NRF1: variants seen among roughly 807,000 people sequenced by gnomAD.
NRF1 encodes the protein nuclear respiratory factor 1.
Under a neutral mutation model 58.5 loss-of-function variants are expected in NRF1, and 5 were observed. That is an observed-to-expected ratio of 0.09 (90% CI 0.04 to 0.18). The LOEUF (loss-of-function observed/expected upper bound fraction) is 0.18. NRF1 is among the 10% of genes least tolerant of loss of function. NRF1 has a pLI of 1.00. For missense variants in NRF1, 288 were observed against 657.7 expected (o/e 0.44, Z 6.15); for synonymous variants, 224 against 246.7 (o/e 0.91, Z 0.86).
chr7:129,651,120 T>G (rs1168108378), intron 1 of NRF1, among the ~76,000 whole-genome samples: 1 of 152,144 alleles, frequency 6.6e-6, no homozygotes, highest in Non-Finnish European at 1.5e-5. Flanking sequence ...CAGGGTGTGC[T>G]GAATAAAAAT....
intron 1 of NRF1, among the ~76,000 whole-genome samples, chr7:129,626,515 G>A (rs1183393103): frequency 6.6e-6 from 1 of 152,138 alleles, no homozygotes; most frequent in Non-Finnish European, 1.5e-5. Context: ...AAAGTATTTG[G>A]ATGCAAGGGC....
At chr7:129,686,912 G>T (rs1345795506) in intron 4 of NRF1, among the ~76,000 whole-genome samples, 1 of 152,152 alleles carries the variant, frequency 6.6e-6, no homozygotes, top group African/African-American at 2.4e-5. Flanking sequence ...GCTGTTATTT[G>T]TGTACTATGA....
chr7:129,648,109 G>C (rs181649694), intron 1 of NRF1, among the ~76,000 whole-genome samples: 2 of 150,742 alleles, frequency 1.3e-5, no homozygotes, highest in Admixed American at 1.3e-4. Context: ...ATAGTCTTTT[G>C]CCACTCTTTC....
At chr7:129,652,481 G>T (rs1335553487) in intron 1 of NRF1, among the ~76,000 whole-genome samples, 9 of 152,082 alleles carry the variant, frequency 5.9e-5, no homozygotes, top group African/African-American at 2.2e-4. Flanking sequence ...ATTCTTAAAA[G>T]AATTTATTTT....
chr7:129,685,634 A>G (rs973027451), intron 4 of NRF1, among the ~76,000 whole-genome samples: 1 of 149,694 alleles, frequency 6.7e-6, no homozygotes, highest in Non-Finnish European at 1.5e-5. Context: ...CCTGGTCCCT[A>G]TGCTCAGCAA....
At chr7:129,678,344 A>G (rs1194758871) in intron 4 of NRF1, among the ~76,000 whole-genome samples, 2 of 152,210 alleles carry the variant, frequency 1.3e-5, no homozygotes, top group Non-Finnish European at 2.9e-5. Context: ...ACTTTGAATC[A>G]TTAGTAGATT....
At chr7:129,664,688 G>C (rs138102216) in intron 2 of NRF1, among the ~76,000 whole-genome samples, 76 of 152,354 alleles carry the variant, frequency 5.0e-4, no homozygotes, top group African/African-American at 1.6e-3. Flanking sequence ...ACTGCTTTGT[G>C]ATAGTGTTAA....
chr7:129,627,987 T>G (rs1007472705), intron 1 of NRF1, among the ~76,000 whole-genome samples: 96 of 151,472 alleles, frequency 6.3e-4, no homozygotes, highest in Non-Finnish European at 7.4e-4. Flanking sequence ...TACCTTGGAT[T>G]ATTATTTGTG....
At chr7:129,658,696 C>G (rs556818459) in intron 2 of NRF1, among the ~76,000 whole-genome samples, 4 of 151,864 alleles carry the variant, frequency 2.6e-5, no homozygotes, top group Admixed American at 6.6e-5. Flanking sequence ...GCATTTCATG[C>G]GCCCATCCTA....
At chr7:129,615,546 TTC>T (rs1161765761) in intron 1 of NRF1, among the ~76,000 whole-genome samples, 2 of 152,268 alleles carry the variant, frequency 1.3e-5, no homozygotes, top group African/African-American at 4.8e-5. Flanking sequence ...TTTCTTTATG[TTC>T]TTTCATGTTT....
chr7:129,668,334 A>G (rs1403102448), intron 2 of NRF1, among the ~76,000 whole-genome samples: 2 of 152,190 alleles, frequency 1.3e-5, no homozygotes, highest in African/African-American at 4.8e-5. Flanking sequence ...CCTTCTAATC[A>G]GTGGAGATAT....
chr7:129,657,307 C>T, intron 1 of NRF1, 39 bp from the exon 2 acceptor site: 1 of 1,402,244 alleles, frequency 7.1e-7, no homozygotes, highest in Non-Finnish European at 1.0e-6. Flanking sequence ...TTATATTACA[C>T]ACTGAATCCT....
chr7:129,749,340 G>A (rs1804057253), intron 10 of NRF1, among the ~76,000 whole-genome samples: 1 of 151,898 alleles, frequency 6.6e-6, no homozygotes, highest in African/African-American at 2.4e-5. Context: ...TTTGGCCTGA[G>A]CAACTAGAAG....
intron 10 of NRF1, among the ~76,000 whole-genome samples, chr7:129,740,851 G>T (rs1036227092): frequency 5.9e-5 from 9 of 152,104 alleles, no homozygotes; most frequent in Admixed American, 5.9e-4. Flanking sequence ...CTATTTGAAG[G>T]CTTAAAGACT....
In NRF1 at chr7:129,671,493, A is replaced by G; in HGVS notation, c.288A>G (p.Val96=). 1.9e-6 allele frequency: 3 copies of G among 1,614,048 alleles called. No individual in the cohort carries two copies. The South Asian group carries it at 3.3e-5, about 18-fold the overall frequency. The change falls in exon 3 of 11, where the codon GTA becomes GTG. Residue 96 remains valine, a synonymous_variant. Coordinates refer to ENST00000393232, the MANE Select transcript of NRF1 (RefSeq NM_005011.5). ...GAAAGAAACGGAAACGGCCTCATGT[A>G]TTTGAGTCTAATCCATCTATCCGGA... is the stretch of plus-strand genomic sequence containing the variant. ...ATGKKRKRPH[V]FESNPSIRKR... is the part of the protein sequence containing the mutation.
At chr7:129,670,132 T>A (rs1802014375) in intron 2 of NRF1, among the ~76,000 whole-genome samples, 1 of 152,210 alleles carries the variant, frequency 6.6e-6, no homozygotes, top group South Asian at 2.1e-4. Flanking sequence ...ATAGAAGGTA[T>A]CTAAAATAGT....
intron 1 of NRF1, among the ~76,000 whole-genome samples, chr7:129,613,951 C>T (rs1800602739): frequency 6.6e-6 from 1 of 152,104 alleles, no homozygotes. Context: ...TCTACTTAAT[C>T]TTTTGGCCCA....
chr7:129,658,596 GAAAAAAA>G (rs35139001), intron 2 of NRF1, among the ~76,000 whole-genome samples: 1 of 112,376 alleles, frequency 8.9e-6, no homozygotes, highest in Non-Finnish European at 1.8e-5. Flanking sequence ...GTGTCCAGTT[GAAAAAAA>G]AAAAAAAAAG....
intron 1 of NRF1, among the ~76,000 whole-genome samples, chr7:129,645,904 C>G (rs541496603): frequency 6.6e-6 from 1 of 152,298 alleles, no homozygotes; most frequent in Admixed American, 6.5e-5. Flanking sequence ...GGCTGGAGTG[C>G]AGTGGCATCA....
Sources: gnomAD v4.1 joint callset for allele counts (sites outside exome capture counted in the v4.1 genomes callset) on GRCh38, gnomAD v4.1.1 for gene constraint, MANE v1.5 for transcripts, NCBI Gene and HGNC (gene_info 2026-07-23, HGNC 2026-07-21) for gene names.